TRRAP: variants seen among roughly 807,000 people sequenced by gnomAD.
The protein encoded by TRRAP is transformation/transcription domain associated protein.
Under a neutral mutation model 438.8 loss-of-function variants are expected in TRRAP, and 41 were observed. The ratio of observed to expected loss-of-function variants is 0.09; its 90% CI spans 0.07 to 0.12. The LOEUF (loss-of-function observed/expected upper bound fraction) is 0.12, where lower values mean the gene tolerates loss of function less well. Ranked by LOEUF, TRRAP falls within the 10% of genes least tolerant of loss-of-function variation. The pLI is 1.00. For synonymous variants in TRRAP, 1,994 were observed against 1,962.9 expected (o/e 1.02, Z -0.42); for missense variants, 3,122 against 5,055.1 (o/e 0.62, Z 11.60).
At chr7:98,885,062 A>G (rs1183594083) in intron 3 of TRRAP, among the ~76,000 whole-genome samples, 14 of 152,238 alleles carry the variant, frequency 9.2e-5, no homozygotes, top group African/African-American at 3.1e-4. Flanking sequence ...TGAAACCCCA[A>G]TCATCACCCT....
intron 20 of TRRAP, among the ~76,000 whole-genome samples, chr7:98,920,437 T>G (rs181922059): frequency 2.4e-4 from 36 of 149,682 alleles, no homozygotes; most frequent in Non-Finnish European, 4.4e-4. Flanking sequence ...ACCACTGCAC[T>G]CCAGCCTGGT....
chr7:98,885,399 A>G (rs927025647), intron 3 of TRRAP, among the ~76,000 whole-genome samples: 6 of 151,992 alleles, frequency 3.9e-5, no homozygotes, highest in African/African-American at 1.4e-4. Flanking sequence ...CTTTTTTTTA[A>G]TATGAGGATA....
At chr7:98,934,184 G>A (rs1790451640) in intron 27 of TRRAP, among the ~76,000 whole-genome samples, 1 of 152,212 alleles carries the variant, frequency 6.6e-6, no homozygotes, top group East Asian at 1.9e-4. Context: ...TACAGTAGTG[G>A]TCTGGTGATC....
At chr7:98,938,570 C>T (rs202185663) in intron 30 of TRRAP, among the ~76,000 whole-genome samples, 1 of 139,012 alleles carries the variant, frequency 7.2e-6, no homozygotes, top group African/African-American at 2.5e-5. Flanking sequence ...TATATATATA[C>T]ACAGTCCTTG....
chr7:98,996,077 C>G (rs1793644616), intron 67 of TRRAP, among the ~76,000 whole-genome samples: 1 of 149,150 alleles, frequency 6.7e-6, no homozygotes, highest in Non-Finnish European at 1.5e-5. Context: ...TTACCTGCGT[C>G]CCCTCATCCT....
In TRRAP at chr7:98,911,218, C is replaced by G; in HGVS notation, c.1954C>G (p.Gln652Glu). ...CCCCTTAACGTTCAAAGAAATCTTC[C>G]AAACTACGGTCCCTTATATGGTGGA... Reference protein sequence around the residue: ...MNPLTFKEIFQTTVPYMVERI... With the variant: ...MNPLTFKEIFETTVPYMVERI... The change falls in exon 17 of 73, where the codon CAA becomes GAA. Residue 652 changes from glutamine to glutamate, a missense_variant. Around this residue, in one of 24 missense-constraint regions of TRRAP, gnomAD observed 149 missense variants for 302.8 expected, o/e 0.49. Transcript: ENST00000456197. 6.2e-7 allele frequency: 1 copy of G among 1,614,130 alleles called. No individual in the cohort carries two copies. The highest frequency in any genetic ancestry group is 8.5e-7 in the Non-Finnish European group (1 of 1,179,996).
chr7:98,891,833 C>T (rs898077055), intron 4 of TRRAP, among the ~76,000 whole-genome samples: 13 of 152,122 alleles, frequency 8.5e-5, no homozygotes, highest in Non-Finnish European at 4.4e-5. Context: ...CCACCGCGCC[C>T]GGCCCAGCAT....
rs536559835 is a variant in TRRAP, at chr7:98,949,275, C to T, written c.4789-142C>T. On this transcript the variant is annotated intron_variant, in intron 35 of 72. Coordinates refer to ENST00000456197, the MANE Select transcript of TRRAP (RefSeq NM_001375524.1). The stretch of plus-strand genomic sequence containing the variant: ...AAAAAGCATCTTTTTAAAAAGCATG[C>T]GTGTGGTGCTTTTTTGGTAAGCCTT... 30 of 967,514 alleles carry T rather than the reference C, an allele frequency of 3.1e-5. No individual in the cohort carries two copies. The Admixed American group carries it at 7.6e-4, about 24-fold the overall frequency. The allele number at this position is 967,514 out of a possible 1,614,324, so 59.9% of individuals were successfully genotyped here.
chr7:99,000,182 G>T lies in TRRAP; in HGVS notation c.10310-4008G>T, dbSNP rs549029537. Among the ~76,000 whole-genome samples, 12 of 152,100 alleles carry T rather than the reference G, an allele frequency of 7.9e-5. No individual in the cohort carries two copies. In the South Asian group the frequency reaches 1.5e-3, roughly 18 times the overall value. Reference sequence around the variant, plus strand: ...GTGCCACCACACCTGGCTAATTTTTGATTTTTAGTACAGGTGGGGTTTCAC... The same window carrying T: ...GTGCCACCACACCTGGCTAATTTTTTATTTTTAGTACAGGTGGGGTTTCAC... On this transcript the variant is annotated intron_variant, in intron 67 of 72. Transcript: ENST00000456197.
intron 60 of TRRAP, among the ~76,000 whole-genome samples, chr7:98,983,859 G>A (rs1422626949): frequency 6.6e-6 from 1 of 152,126 alleles, no homozygotes; most frequent in African/African-American, 2.4e-5. Context: ...CGTGTTTAGA[G>A]CAGCCTTTGT....
intron 18 of TRRAP, among the ~76,000 whole-genome samples, chr7:98,913,499 A>G (rs921764920): frequency 2.6e-5 from 4 of 151,822 alleles, no homozygotes; most frequent in Non-Finnish European, 5.9e-5. Flanking sequence ...ATGTTGGCCA[A>G]GCTGGTCTCA....
chr7:98,949,043 G>A (rs1364654100), intron 35 of TRRAP, among the ~76,000 whole-genome samples: 1 of 152,156 alleles, frequency 6.6e-6, no homozygotes, highest in Non-Finnish European at 1.5e-5. Context: ...GACCAGCATG[G>A]GCAACAGAGT....
intron 67 of TRRAP, among the ~76,000 whole-genome samples, chr7:99,002,522 T>C (rs1283576929): frequency 1.3e-5 from 2 of 152,186 alleles, no homozygotes; most frequent in African/African-American, 4.8e-5. Context: ...ACGTTCTTGG[T>C]CCAGCGTGGA....
chr7:98,906,992 T>C (rs1370382821), intron 13 of TRRAP, among the ~76,000 whole-genome samples: 1 of 151,616 alleles, frequency 6.6e-6, no homozygotes, highest in Non-Finnish European at 1.5e-5. Flanking sequence ...TTAATGTATG[T>C]CCGTATAATC....
At chr7:99,008,832 C>T (rs536687973) in intron 70 of TRRAP, among the ~76,000 whole-genome samples, 1 of 152,196 alleles carries the variant, frequency 6.6e-6, no homozygotes, top group Non-Finnish European at 1.5e-5. Flanking sequence ...CCTGTACTTA[C>T]AAAGAAGCGC....
chr7:98,904,483 CAAAAAAAAAAAA>C (rs59353514), intron 12 of TRRAP, among the ~76,000 whole-genome samples: 743 of 45,590 alleles, frequency 0.016, 8 homozygotes, highest in African/African-American at 0.045. Flanking sequence ...GACTCTGTCT[CAAAAAAAAAAAA>C]AAAAAAAAAA....
At chr7:98,890,206 A>T in intron 3 of TRRAP, 129 bp from the exon 4 acceptor site, 1 of 455,268 alleles carries the variant, frequency 2.2e-6, no homozygotes, top group Non-Finnish European at 3.7e-6. Context: ...ATTACTAAAT[A>T]ATACAAGTAG....
chr7:98,960,369 T>C (rs1296319642), intron 45 of TRRAP, among the ~76,000 whole-genome samples: 1 of 152,228 alleles, frequency 6.6e-6, no homozygotes, highest in African/African-American at 2.4e-5. Context: ...TTGGAAACTT[T>C]TGCTATTGAG....
intron 31 of TRRAP, among the ~76,000 whole-genome samples, chr7:98,943,395 C>T (rs542134958): frequency 6.6e-5 from 10 of 152,276 alleles, no homozygotes; most frequent in African/African-American, 2.4e-4. Context: ...GTTTCCATTG[C>T]TTTCCATCAC....
Sources: allele counts gnomAD v4.1 joint callset (sites outside exome capture counted in the v4.1 genomes callset), GRCh38; gene constraint gnomAD v4.1.1; regional missense constraint gnomAD v4.1.1; transcripts MANE v1.5; gene names NCBI Gene and HGNC (gene_info 2026-07-23, HGNC 2026-07-21).